The following PTPRD variants were observed in gnomAD, a reference collection of about 807,000 sequenced individuals.
The protein encoded by PTPRD is protein tyrosine phosphatase receptor type D, also known as receptor-type tyrosine-protein phosphatase delta.
A neutral mutation model predicts 214.5 loss-of-function variants in PTPRD; 34 were observed. The ratio of observed to expected loss-of-function variants is 0.16; its 90% CI spans 0.12 to 0.21. PTPRD has a LOEUF of 0.21. PTPRD is among the 10% of genes least tolerant of loss of function. PTPRD has a pLI of 1.00. For missense variants in PTPRD, 2,545 were observed against 2,398.7 expected (o/e 1.06, Z -1.27); for synonymous variants, 1,128 against 845.7 (o/e 1.33, Z -5.79).
intron 3 of PTPRD, among the ~76,000 whole-genome samples, chr9:10,253,499 T>A (rs2092974453): frequency 6.6e-6 from 1 of 152,242 alleles, no homozygotes; most frequent in South Asian, 2.1e-4. Flanking sequence ...AACAACTCTT[T>A]TAACGCATAA....
At chr9:9,456,161 A>G (rs2092968844) in intron 8 of PTPRD, among the ~76,000 whole-genome samples, 1 of 151,916 alleles carries the variant, frequency 6.6e-6, no homozygotes, top group South Asian at 2.1e-4. Flanking sequence ...ATTTAATTAT[A>G]ACAACTGAGG....
intron 11 of PTPRD, among the ~76,000 whole-genome samples, chr9:8,850,708 G>A (rs1459771754): frequency 2.6e-5 from 4 of 152,098 alleles, no homozygotes; most frequent in Non-Finnish European, 5.9e-5. Context: ...AAATCATAAT[G>A]AGCTATTTCA....
At chr9:9,102,874 A>T (rs896231324) in intron 10 of PTPRD, among the ~76,000 whole-genome samples, 1 of 152,196 alleles carries the variant, frequency 6.6e-6, no homozygotes, top group Admixed American at 6.5e-5. Flanking sequence ...GTGAATTGCT[A>T]GTTTCCAATA....
chr9:10,280,237 TA>T (rs1159261282), intron 3 of PTPRD, among the ~76,000 whole-genome samples: 1 of 151,930 alleles, frequency 6.6e-6, no homozygotes, highest in Non-Finnish European at 1.5e-5. Context: ...CAATAAAGAG[TA>T]ATGTAGTTAA....
At chr9:8,558,120 C>G (rs1468111773) in intron 14 of PTPRD, among the ~76,000 whole-genome samples, 1 of 152,118 alleles carries the variant, frequency 6.6e-6, no homozygotes, top group Non-Finnish European at 1.5e-5. Context: ...ATGAGAGGTA[C>G]AGAGAGACGG....
intron 11 of PTPRD, among the ~76,000 whole-genome samples, chr9:8,959,140 T>G (rs534495852): frequency 2.6e-5 from 4 of 152,148 alleles, no homozygotes; most frequent in African/African-American, 9.6e-5. Context: ...AACACAGGAA[T>G]GCCTTCATTC....
chr9:8,791,579 G>T (rs553429233), intron 11 of PTPRD, among the ~76,000 whole-genome samples: 1 of 132,934 alleles, frequency 7.5e-6, no homozygotes, highest in Non-Finnish European at 1.5e-5. Context: ...CCAGGCTATA[G>T]TGCAGTGGGG....
At position 8,423,290 on chromosome 9, in the gene PTPRD, G is replaced by A. The variant is rs12685058; in HGVS notation, c.4086+13302C>T. On this transcript the variant is annotated intron_variant, in intron 35 of 45. Transcript: ENST00000381196. ...TTCATTTTAACAGAACTAAAAGCTG[G>A]AGCAAAAGCAAACAAAACAATAATA... Among the ~76,000 whole-genome samples, 8 of 151,956 alleles carry A rather than the reference G, an allele frequency of 5.3e-5. No individual in the cohort carries two copies. The East Asian group carries it at 1.5e-3, about 29-fold the overall frequency.
chr9:10,163,493 CTCAA>C (rs749957225), intron 3 of PTPRD, among the ~76,000 whole-genome samples: 5 of 151,398 alleles, frequency 3.3e-5, no homozygotes, highest in Non-Finnish European at 7.4e-5. Context: ...ATAAATATGA[CTCAA>C]TCAACCACAA....
chr9:9,230,800 C>T lies in PTPRD; in HGVS notation c.-202-47437G>A, dbSNP rs73641268. On this transcript the variant is annotated intron_variant, in intron 9 of 45. Transcript: ENST00000381196. ...TGAAAATAAGAGGATAAATCTGTAT[C>T]TTTTCTTTTAAAAAAGACTAACCTG... is the stretch of plus-strand genomic sequence containing the variant. Among the ~76,000 whole-genome samples, 288 of 152,218 alleles carry T rather than the reference C, an allele frequency of 1.9e-3. 2 individuals are homozygous for T. Among genetic ancestry groups the T allele is most frequent in the African/African-American group, 6.7e-3 (277 of 41,536 alleles).
At position 8,881,902 on chromosome 9, in the gene PTPRD, G is replaced by A. The variant is rs184213519; in HGVS notation, c.-104+136795C>T. On this transcript the variant is annotated intron_variant, in intron 11 of 45. Transcript: ENST00000381196. Reference sequence around the variant, plus strand: ...TGAGCTTCTTCCTGTCTTCTTACTCGGAGGAAAGAAAGGAGAAGGAAGGTG... The same window carrying A: ...TGAGCTTCTTCCTGTCTTCTTACTCAGAGGAAAGAAAGGAGAAGGAAGGTG... Among the ~76,000 whole-genome samples the A allele has an allele frequency of 8.7e-3, 1,327 of 152,194 alleles. 21 individuals carry two copies. Among genetic ancestry groups the A allele is most frequent in the African/African-American group, 0.03 (1,256 of 41,514 alleles).
At chr9:8,829,032 T>A (rs2154529052) in intron 11 of PTPRD, among the ~76,000 whole-genome samples, 1 of 152,336 alleles carries the variant, frequency 6.6e-6, no homozygotes, top group Non-Finnish European at 1.5e-5. Context: ...CCATTTTAAA[T>A]TTACTGTTGA....
chr9:8,701,979 G>C (rs1349557727), intron 12 of PTPRD, among the ~76,000 whole-genome samples: 1 of 152,100 alleles, frequency 6.6e-6, no homozygotes, highest in Non-Finnish European at 1.5e-5. Context: ...TATTTATACT[G>C]TTTAAGTAAA....
intron 9 of PTPRD, among the ~76,000 whole-genome samples, chr9:9,395,394 G>T (rs1405616705): frequency 6.6e-6 from 1 of 152,118 alleles, no homozygotes; most frequent in Non-Finnish European, 1.5e-5. Context: ...TACCTTGAGA[G>T]ACTCTGAGTT....
rs145229146 is a variant in PTPRD, at chr9:9,669,264, A to T, written c.-287+65269T>A. Among the ~76,000 whole-genome samples, 787 of 152,316 alleles carry T rather than the reference A, an allele frequency of 5.2e-3. 5 individuals carry two copies. The highest frequency in any genetic ancestry group is 0.018 in the African/African-American group (739 of 41,580). On this transcript the variant is annotated intron_variant, in intron 7 of 45. Transcript: ENST00000381196. The stretch of plus-strand genomic sequence containing the variant: ...AACAAAGGGTAATTTTAACCTCTAC[A>T]GTTGGCGAGATACACAAGGAACACA...
intron 39 of PTPRD, among the ~76,000 whole-genome samples, chr9:8,354,923 T>C (rs1471864236): frequency 6.6e-6 from 1 of 152,214 alleles, no homozygotes; most frequent in Non-Finnish European, 1.5e-5. Flanking sequence ...GCTCTCCCAC[T>C]CTACTGCACT....
At chr9:10,011,298 G>C (rs560176185) in intron 4 of PTPRD, among the ~76,000 whole-genome samples, 33 of 152,052 alleles carry the variant, frequency 2.2e-4, no homozygotes, top group African/African-American at 5.5e-4. Flanking sequence ...TGGTGGGTTG[G>C]ATTGAATTTA....
chr9:9,939,717 T>C (rs1453816857), intron 4 of PTPRD, among the ~76,000 whole-genome samples: 7 of 152,168 alleles, frequency 4.6e-5, no homozygotes, highest in Non-Finnish European at 8.8e-5. Flanking sequence ...ATCTGTCTTC[T>C]GGTGTCAAGC....
At chr9:8,872,699 ATCAT>A (rs1409697339) in intron 11 of PTPRD, among the ~76,000 whole-genome samples, 1 of 152,202 alleles carries the variant, frequency 6.6e-6, no homozygotes, top group African/African-American at 2.4e-5. Flanking sequence ...AAATAAATCT[ATCAT>A]TCTTTCTTTC....
Sources: allele counts gnomAD v4.1 joint callset (sites outside exome capture counted in the v4.1 genomes callset), GRCh38; gene constraint gnomAD v4.1.1; transcripts MANE v1.5; gene names NCBI Gene and HGNC (gene_info 2026-07-23, HGNC 2026-07-21).